IGFL2: variants seen among roughly 807,000 people sequenced by gnomAD.
The protein encoded by IGFL2 is IGF like family member 2, also known as insulin growth factor-like family member 2.
In IGFL2, 7 loss-of-function variants were observed where a neutral mutation model predicts 13.9. The observed-to-expected ratio is 0.51, with a 90% CI of 0.29 to 0.95. The LOEUF (loss-of-function observed/expected upper bound fraction) is 0.95. IGFL2 is among the 40% of genes least tolerant of loss of function. The pLI is 0.08. For synonymous variants in IGFL2, 55 were observed against 55.8 expected, an observed-to-expected ratio of 0.99 and a Z score of 0.07; for missense variants, 138 against 147.8, an observed-to-expected ratio of 0.93 and a Z score of 0.34.
chr19:46,083,062 G>A, the IGFL2 span, among the ~76,000 whole-genome samples: 6 of 152,162 alleles, frequency 3.9e-5, no homozygotes, highest in Non-Finnish European at 8.8e-5. Context: ...AACCCTGGAC[G>A]CACGGTAGCT....
upstream of IGFL2, among the ~76,000 whole-genome samples, chr19:46,144,226 A>G (rs747948157): frequency 1.3e-5 from 2 of 152,240 alleles, no homozygotes; most frequent in Non-Finnish European, 2.9e-5. Context: ...ATTTATGGAT[A>G]CTGAAATGCC....
At chr19:46,104,620 A>G in the IGFL2 span, among the ~76,000 whole-genome samples, 5 of 152,134 alleles carry the variant, frequency 3.3e-5, no homozygotes, top group South Asian at 1.0e-3. Flanking sequence ...TGCCTGACTC[A>G]GGGCATGTAA....
At chr19:46,189,296 C>T in the IGFL2 span, 1 of 152,316 alleles carries the variant, frequency 6.6e-6, no homozygotes, top group African/African-American at 2.4e-5. Flanking sequence ...TTAGTACTTT[C>T]ACTAATTCTG....
chr19:46,136,665 A>G, the IGFL2 span: 1 of 433,750 alleles, frequency 2.3e-6, no homozygotes, highest in South Asian at 1.7e-5. Flanking sequence ...ATAAAAAAAT[A>G]TATAAAATAA....
At chr19:46,148,342 C>A in intron 1 of IGFL2, 45 bp downstream of exon 1, 2 of 1,481,556 alleles carry the variant, frequency 1.3e-6, no homozygotes, top group Non-Finnish European at 1.8e-6. Context: ...CTACTGTTAT[C>A]CCTAATGTAC....
At chr19:46,134,656 T>A in the IGFL2 span, among the ~76,000 whole-genome samples, 33 of 152,266 alleles carry the variant, frequency 2.2e-4, no homozygotes, top group Admixed American at 5.9e-4. Flanking sequence ...CAGTTCACAA[T>A]AGGGTTCATG....
the IGFL2 span, among the ~76,000 whole-genome samples, chr19:46,100,924 C>A: frequency 6.6e-6 from 1 of 152,068 alleles, no homozygotes; most frequent in African/African-American, 2.4e-5. Context: ...TTTGTTGATG[C>A]TGTTGTTGCT....
At chr19:46,184,900 A>AG in the IGFL2 span, among the ~76,000 whole-genome samples, 1 of 152,026 alleles carries the variant, frequency 6.6e-6, no homozygotes, top group South Asian at 2.1e-4. Flanking sequence ...CTATTTCTCC[A>AG]CATCTTCTGT....
chr19:46,136,916 T>G, the IGFL2 span: 1 of 913,976 alleles, frequency 1.1e-6, no homozygotes, highest in East Asian at 2.4e-5. Context: ...ACATGTCCTC[T>G]GGGCACATGA....
the IGFL2 span, among the ~76,000 whole-genome samples, chr19:46,114,248 T>C: frequency 6.6e-6 from 1 of 152,162 alleles, no homozygotes; most frequent in African/African-American, 2.4e-5. Flanking sequence ...TAGGATGCTG[T>C]GCATCTAGTT....
At chr19:46,123,946 A>AACT in the IGFL2 span, 2 of 1,611,546 alleles carry the variant, frequency 1.2e-6, no homozygotes, top group Non-Finnish European at 1.7e-6. Flanking sequence ...CAGAACCCTC[A>AACT]ACTTCACAAG....
the IGFL2 span, among the ~76,000 whole-genome samples, chr19:46,130,667 G>A: frequency 6.6e-6 from 1 of 152,166 alleles, no homozygotes; most frequent in Non-Finnish European, 1.5e-5. Context: ...CAAGAACTAA[G>A]ATTAGAAGAA....
chr19:46,091,103 A>G, the IGFL2 span, among the ~76,000 whole-genome samples: 2 of 152,246 alleles, frequency 1.3e-5, no homozygotes, highest in South Asian at 4.1e-4. Flanking sequence ...TGGTTTCCTT[A>G]GCTCTTTTGA....
the IGFL2 span, among the ~76,000 whole-genome samples, chr19:46,210,639 A>G: frequency 6.6e-6 from 1 of 152,154 alleles, no homozygotes; most frequent in East Asian, 1.9e-4. Flanking sequence ...CTGGAAGCTA[A>G]GCCAGTCTAG....
chr19:46,171,902 G>A, the IGFL2 span, among the ~76,000 whole-genome samples: 1 of 152,096 alleles, frequency 6.6e-6, no homozygotes, highest in Non-Finnish European at 1.5e-5. Flanking sequence ...GGTAAAATTG[G>A]TGCAAATAAT....
At chr19:46,167,700 T>C in the IGFL2 span, among the ~76,000 whole-genome samples, 2 of 152,198 alleles carry the variant, frequency 1.3e-5, no homozygotes, top group Non-Finnish European at 2.9e-5. Context: ...TAATTGAATG[T>C]GGAGCCTCTA....
chr19:46,184,058 T>C, the IGFL2 span, among the ~76,000 whole-genome samples: 1 of 152,226 alleles, frequency 6.6e-6, no homozygotes, highest in African/African-American at 2.4e-5. Context: ...TTTCCAGTGA[T>C]GATGGAGATC....
chr19:46,168,390 T>C, the IGFL2 span, among the ~76,000 whole-genome samples: 1 of 152,228 alleles, frequency 6.6e-6, no homozygotes, highest in Non-Finnish European at 1.5e-5. Flanking sequence ...AAAGAACTTT[T>C]ATCTAAGGAA....
chr19:46,124,262 C>T, the IGFL2 span: 2 of 1,610,534 alleles, frequency 1.2e-6, no homozygotes, highest in Non-Finnish European at 1.7e-6. Flanking sequence ...CCTGTCCTGT[C>T]CTTACCTGTA....
Sources: allele counts gnomAD v4.1 joint callset (sites outside exome capture counted in the v4.1 genomes callset), GRCh38; gene constraint gnomAD v4.1.1; transcripts MANE v1.5; gene names NCBI Gene and HGNC (gene_info 2026-07-23, HGNC 2026-07-21).